Variants in ZNF562 observed in about 807,000 individuals in gnomAD.
ZNF562 encodes the protein zinc finger protein 562.
ZNF562 carries 13 observed loss-of-function variants against 17.5 expected under a neutral mutation model. The observed-to-expected ratio is 0.74, with a 90% confidence interval of 0.48 to 1.18. ZNF562 has a LOEUF of 1.18. ZNF562 is among the 50% of genes most tolerant of loss of function. ZNF562 has a pLI of 0.00. For missense variants in ZNF562, 481 were observed against 498.5 expected (o/e 0.96, Z 0.33); for synonymous variants, 163 against 165.4 (o/e 0.99, Z 0.11).
chr19:9,659,929 TAAAAAAAAAAAAAAAAAAAAAAAAAAA>T (rs763657709), intron 2 of ZNF562, among the ~76,000 whole-genome samples: 2,950 of 37,216 alleles, frequency 0.079, 125 homozygotes, highest in African/African-American at 0.17. Flanking sequence ...CCGTCTCTAC[TAAAAAAAAAAAAAAAAAAAAAAAAAAA>T]AAAAAAAAAA....
At chr19:9,661,620 C>T (rs998764978) in intron 1 of ZNF562, among the ~76,000 whole-genome samples, 1 of 152,074 alleles carries the variant, frequency 6.6e-6, no homozygotes, top group African/African-American at 2.4e-5. Flanking sequence ...ATAGTGAAAC[C>T]CTGTCTCTAC....
rs1194937014 is a variant in ZNF562, at chr19:9,644,236, T to C, written c.*8713A>G. Reference sequence around the variant, plus strand: ...AAAAGATTTAGCAAGATTTGCTTCATTGTTAATACTCTGAAAGGATTTATG... The same window carrying C: ...AAAAGATTTAGCAAGATTTGCTTCACTGTTAATACTCTGAAAGGATTTATG... On this transcript the variant is annotated 3_prime_UTR_variant, in exon 6 of 6. Transcript: ENST00000453372. 6.6e-6 allele frequency: 1 copy of C among 152,162 alleles called. No individual in the cohort carries two copies. Among genetic ancestry groups the C allele is most frequent in the Non-Finnish European group, 1.5e-5 (1 of 68,032 alleles). 9.4% of individuals were successfully genotyped at this position (152,162 alleles called of 1,614,324 possible).
Position 9,651,065 on chromosome 19 carries a change from A to C in ZNF562, c.*1884T>G, listed in dbSNP as rs1318977439. ...TGCGGTATTCTCTTATGGTTGTCTG[A>C]GCTGACTAAGGCAGATATTGGTACT... On this transcript the variant is annotated 3_prime_UTR_variant, in exon 6 of 6. Coordinates refer to ENST00000453372, the MANE Select transcript of ZNF562 (RefSeq NM_001130031.2). The C allele has an allele frequency of 6.6e-6, 1 of 151,298 alleles. No homozygotes were observed. Among genetic ancestry groups the C allele is most frequent in the Non-Finnish European group, 1.5e-5 (1 of 67,916 alleles). The allele number at this position is 151,298 out of a possible 1,614,324, so 9.4% of individuals were successfully genotyped here.
intron 1 of ZNF562, among the ~76,000 whole-genome samples, chr19:9,664,780 C>T (rs944733329): frequency 6.6e-6 from 1 of 151,400 alleles, no homozygotes; most frequent in African/African-American, 2.4e-5. Flanking sequence ...AATCCCAGCA[C>T]TCTGGGAGGC....
In ZNF562 at chr19:9,653,689, A is replaced by G. The variant is rs758803697; in HGVS notation, c.541T>C (p.Cys181Arg). 2.9e-5 allele frequency: 46 copies of G among 1,613,996 alleles called. No homozygotes were observed. The highest frequency in any genetic ancestry group is 6.7e-5 in the African/African-American group (5 of 74,946). ...GGAGTTAAGGTGAAGACTTTTCCAC[A>G]TGGATTAAATTTGGAAAGTTCTTGT... is the stretch of plus-strand genomic sequence containing the variant. Reference protein sequence around the residue: ...IGQELSKFNPCGKVFTLTPGL... With the variant: ...IGQELSKFNPRGKVFTLTPGL... The change falls in exon 6 of 6, where the codon TGT (cysteine) becomes CGT (arginine). Residue 181 changes from cysteine to arginine, a missense_variant. By Grantham distance (180) the Cys-to-Arg change is radical. Transcript: ENST00000453372.
Position 9,651,009 on chromosome 19 carries a change from A to T in ZNF562, c.*1940T>A, listed in dbSNP as rs1166435299. ...CCTGTGTTTTTAACCTCATTGATTT[A>T]AAATTAAATTAATTTCTAAGCCATT... On this transcript the variant is annotated 3_prime_UTR_variant, in exon 6 of 6. Transcript: ENST00000453372. 2 of 151,060 alleles carry T rather than the reference A, an allele frequency of 1.3e-5. No individual in the cohort carries two copies. Among genetic ancestry groups the T allele is most frequent in the South Asian group, 2.1e-4 (1 of 4,782 alleles). The allele number at this position is 151,060 out of a possible 1,614,324, so 9.4% of individuals were successfully genotyped here. A position where few individuals can be genotyped will look rare whatever the true frequency, so the allele number is the denominator to read the frequency against.
intron 1 of ZNF562, among the ~76,000 whole-genome samples, chr19:9,669,708 A>G (rs4804453): frequency 0.86 from 120,582 of 139,776 alleles, 51,423 homozygotes; most frequent in East Asian, 0.92. Flanking sequence ...GTCTGCATGC[A>G]CGCGCGCGAG....
intron 1 of ZNF562, among the ~76,000 whole-genome samples, chr19:9,673,403 G>A (rs2044275097): frequency 1.3e-5 from 2 of 152,066 alleles, no homozygotes; most frequent in East Asian, 1.9e-4. Context: ...GCAGCACCCA[G>A]CGTTTTATTT....
In ZNF562 at chr19:9,643,038, T is replaced by G. The variant is rs141843343; in HGVS notation, c.*9911A>C. On this transcript the variant is annotated 3_prime_UTR_variant, in exon 6 of 6. Coordinates refer to ENST00000453372, the MANE Select transcript of ZNF562 (RefSeq NM_001130031.2). ...GCCTAGGTGACATGGCAAGACACTG[T>G]CTCTGGAAAAAAAAAAAAAAAAAAA... 7 of 129,142 alleles carry G rather than the reference T, an allele frequency of 5.4e-5. No homozygotes were observed. Among genetic ancestry groups the G allele is most frequent in the Admixed American group, 4.1e-4 (5 of 12,138 alleles). The allele number at this position is 129,142 out of a possible 1,614,324, so 8.0% of individuals were successfully genotyped here. A position where few individuals can be genotyped will look rare whatever the true frequency, so the allele number is the denominator to read the frequency against.
At chr19:9,669,724 GCGCGCGCGCGCA>G (rs1286034436) in intron 1 of ZNF562, among the ~76,000 whole-genome samples, 137 of 77,980 alleles carry the variant, frequency 1.8e-3, no homozygotes, top group African/African-American at 6.4e-3. Context: ...GCGAGCGCGC[GCGCGCGCGCGCA>G]CACACACACA....
chr19:9,658,220 C>G, intron 3 of ZNF562, 85 bp from the exon 4 acceptor site: 2 of 1,496,454 alleles, frequency 1.3e-6, no homozygotes. Flanking sequence ...GAACCTTATA[C>G]TCACTTATAC....
At chr19:9,655,760 G>A (rs1450605877) in intron 5 of ZNF562, among the ~76,000 whole-genome samples, 1 of 91,900 alleles carries the variant, frequency 1.1e-5, no homozygotes, top group Non-Finnish European at 1.9e-5. Context: ...TTTAGATGGA[G>A]TCTCACTTGG....
At chr19:9,672,936 T>C (rs570463609) in intron 1 of ZNF562, among the ~76,000 whole-genome samples, 142 of 152,078 alleles carry the variant, frequency 9.3e-4, no homozygotes, top group Non-Finnish European at 1.8e-3. Flanking sequence ...TATATTTCTC[T>C]GAATTTCTCT....
At chr19:9,655,849 C>T (rs1242250593) in intron 5 of ZNF562, among the ~76,000 whole-genome samples, 1 of 149,984 alleles carries the variant, frequency 6.7e-6, no homozygotes, top group Non-Finnish European at 1.5e-5. Flanking sequence ...TGTCCTGCCT[C>T]AGCCGCCCGA....
rs1013936194 is a variant in ZNF562 at position 9,647,067 on chromosome 19, C to G, written c.*5882G>C. 4.6e-5 allele frequency: 7 copies of G among 150,608 alleles called. No homozygotes were observed. Among genetic ancestry groups the G allele is most frequent in the African/African-American group, 1.7e-4 (7 of 40,714 alleles). 9.3% of individuals were successfully genotyped at this position (150,608 alleles called of 1,614,324 possible). A position where few individuals can be genotyped will look rare whatever the true frequency, so the allele number is the denominator to read the frequency against. On this transcript the variant is annotated 3_prime_UTR_variant, in exon 6 of 6. Coordinates refer to ENST00000453372, the MANE Select transcript of ZNF562 (RefSeq NM_001130031.2). ...TGCTGTGATTAAAGCCGTGAAGCACCGTGCCCAACCTAGTTGTCTTTTTTT... is the reference window on the plus strand; with the variant it reads ...TGCTGTGATTAAAGCCGTGAAGCACGGTGCCCAACCTAGTTGTCTTTTTTT...
In ZNF562 at chr19:9,656,615, G is replaced by A. The variant is rs1269624111; in HGVS notation, c.280C>T (p.Pro94Ser). 17 of 1,613,906 alleles carry A rather than the reference G, an allele frequency of 1.1e-5. No individual in the cohort carries two copies. In the Admixed American group the frequency reaches 2.8e-4, roughly 27 times the overall value. Reference sequence around the variant, plus strand: ...TGAAGTGATGACCGTTTGGTTCTAGGTTGTATTTCCCATTCTGAAGTTAAG... The same window carrying A: ...TGAAGTGATGACCGTTTGGTTCTAGATTGTATTTCCCATTCTGAAGTTAAG... ...FCLTSEWEIQ[P>S]RTKRSSLQQG... is the part of the protein sequence containing the mutation. Residue 94 changes from proline (P) to serine (S), a missense_variant, in exon 5 of 6, where the codon CCT becomes TCT. Physicochemically the swap from Pro to Ser is moderately conservative, Grantham distance 74. Transcript: ENST00000453372.
chr19:9,669,663 G>A (rs1411752133), intron 1 of ZNF562, among the ~76,000 whole-genome samples: 1 of 150,020 alleles, frequency 6.7e-6, no homozygotes, highest in Non-Finnish European at 1.5e-5. Flanking sequence ...GTACACACAT[G>A]CACGCACAAA....
At chr19:9,663,807 G>C in intron 1 of ZNF562, among the ~76,000 whole-genome samples, 1 of 151,920 alleles carries the variant, frequency 6.6e-6, no homozygotes, top group African/African-American at 2.4e-5. Context: ...CTCTCAAGTA[G>C]CTGGGACTAC....
At chr19:9,662,733 A>G (rs1003111787) in intron 1 of ZNF562, among the ~76,000 whole-genome samples, 2 of 151,712 alleles carry the variant, frequency 1.3e-5, no homozygotes, top group African/African-American at 2.4e-5. Flanking sequence ...ACAAAAAATT[A>G]GCCAGTTGTG....
Sources: gnomAD v4.1 joint callset for allele counts (sites outside exome capture counted in the v4.1 genomes callset) on GRCh38, gnomAD v4.1.1 for gene constraint, MANE v1.5 for transcripts, NCBI Gene and HGNC (gene_info 2026-07-23, HGNC 2026-07-21) for gene names.